Variants in TUBGCP3 observed in about 807,000 individuals in gnomAD.
TUBGCP3 encodes the protein tubulin gamma complex component 3.
Under a neutral mutation model 123.1 loss-of-function variants are expected in TUBGCP3, and 50 were observed. The ratio of observed to expected loss-of-function variants is 0.41; its 90% CI spans 0.32 to 0.51. The LOEUF is 0.51. Among genes scored for constraint, TUBGCP3 ranks in the 20% least tolerant of loss-of-function variants. The pLI is 0.36. For synonymous variants in TUBGCP3, 405 were observed against 413.9 expected (o/e 0.98, Z 0.26); for missense variants, 882 against 1,127.0 (o/e 0.78, Z 3.11).
intron 11 of TUBGCP3, among the ~76,000 whole-genome samples, chr13:112,531,343 A>G (rs1340506068): frequency 6.6e-6 from 1 of 152,202 alleles, no homozygotes; most frequent in African/African-American, 2.4e-5. Flanking sequence ...TGAGATCTAT[A>G]TTGCCCTTCA....
chr13:112,570,486 A>C (rs1402912251), intron 1 of TUBGCP3, among the ~76,000 whole-genome samples: 1 of 152,182 alleles, frequency 6.6e-6, no homozygotes, highest in East Asian at 1.9e-4. Flanking sequence ...GTGGAACAGC[A>C]TTATGTCTAA....
chr13:112,556,188 A>C lies in TUBGCP3; in HGVS notation c.585T>G (p.Leu195=). 6.2e-7 allele frequency: 1 copy of C among 1,614,162 alleles called. No homozygotes were observed. Among genetic ancestry groups the C allele is most frequent in the Non-Finnish European group, 8.5e-7 (1 of 1,180,012 alleles). Residue 195 remains leucine (L), a synonymous_variant, in exon 6 of 22, where the codon CTT becomes CTG. Coordinates refer to ENST00000261965, the MANE Select transcript of TUBGCP3 (RefSeq NM_006322.6). ...SNQAPGVGDC[L]RQQLGSRLAW... ...CGAGTCGTGACCCCAACTGCTGTCG[A>C]AGGCAATCTCCTACTCCTGGAGCTT...
At chr13:112,597,499 C>A in the TUBGCP3 span, among the ~76,000 whole-genome samples, 1 of 151,916 alleles carries the variant, frequency 6.6e-6, no homozygotes, top group South Asian at 2.1e-4. Flanking sequence ...TTTGGAAAAC[C>A]AAGAGAAACA....
At chr13:112,551,125 T>G (rs1879549601) in intron 8 of TUBGCP3, among the ~76,000 whole-genome samples, 1 of 151,598 alleles carries the variant, frequency 6.6e-6, no homozygotes. Context: ...AAACAAAACC[T>G]GCTGAAATAA....
intron 1 of TUBGCP3, among the ~76,000 whole-genome samples, chr13:112,578,757 T>C (rs1882056032): frequency 6.6e-6 from 1 of 151,974 alleles, no homozygotes; most frequent in Non-Finnish European, 1.5e-5. Flanking sequence ...CTTCACAGCC[T>C]CCATACTTAG....
chr13:112,558,246 G>A lies in TUBGCP3; in HGVS notation c.498C>T (p.Gly166=). ...GCGCGGGGCCACTGAGGGCACACAGGCCAATGCTGCTGATGCCACTGCTGC... is the reference window on the plus strand; with the variant it reads ...GCGCGGGGCCACTGAGGGCACACAGACCAATGCTGCTGATGCCACTGCTGC... ...SVGSSGISSI[G]LCALSGPAPA... is the part of the protein sequence containing the mutation. The change falls in exon 5 of 22, where the codon GGC becomes GGT. Residue 166 remains glycine, a synonymous_variant. Coordinates refer to ENST00000261965, the MANE Select transcript of TUBGCP3 (RefSeq NM_006322.6). 6.2e-7 allele frequency: 1 copy of A among 1,612,566 alleles called. No individual in the cohort carries two copies. Among genetic ancestry groups the A allele is most frequent in the East Asian group, 2.2e-5 (1 of 44,886 alleles).
chr13:112,562,588 G>C (rs1566580941), intron 3 of TUBGCP3, among the ~76,000 whole-genome samples: 1 of 152,146 alleles, frequency 6.6e-6, no homozygotes. Flanking sequence ...GAGAGGCCAG[G>C]AGTATAATCT....
chr13:112,591,102 G>C (rs1025776571), upstream of TUBGCP3, among the ~76,000 whole-genome samples: 4 of 152,206 alleles, frequency 2.6e-5, no homozygotes, highest in African/African-American at 9.7e-5. Flanking sequence ...TCAGCCAGGA[G>C]ACTTTGTAGG....
At chr13:112,547,431 A>T in intron 10 of TUBGCP3, 189 bp downstream of exon 10, 2 of 997,332 alleles carry the variant, frequency 2.0e-6, no homozygotes, top group Non-Finnish European at 2.6e-6. Flanking sequence ...AAGGACAAAA[A>T]CGGGCAGGAC....
At chr13:112,520,397 C>T (rs1181753511) in intron 14 of TUBGCP3, among the ~76,000 whole-genome samples, 4 of 151,974 alleles carry the variant, frequency 2.6e-5, no homozygotes, top group Admixed American at 6.6e-5. Flanking sequence ...AGCATGGTGG[C>T]GGGCACCTGT....
chr13:112,549,487 A>T (rs1879371517), intron 8 of TUBGCP3, among the ~76,000 whole-genome samples: 2 of 152,112 alleles, frequency 1.3e-5, no homozygotes, highest in South Asian at 2.1e-4. Flanking sequence ...GTATAATAAT[A>T]AAAAAATTAA....
rs1005068002 is a variant in TUBGCP3, at chr13:112,485,959, C to T, written c.*34G>A. The T allele has an allele frequency of 1.4e-6, 2 of 1,441,830 alleles. No homozygotes were observed. Among genetic ancestry groups the T allele is most frequent in the Non-Finnish European group, 1.9e-6 (2 of 1,069,190 alleles). 89.3% of individuals were successfully genotyped at this position (1,441,830 alleles called of 1,614,324 possible). A position where few individuals can be genotyped will look rare whatever the true frequency, so the allele number is the denominator to read the frequency against. ...ATTTCGTGTCTAGCAGTGCAACGAA[C>T]ATCACCCGCAGCTCCCTGGGAGGAC... On this transcript the variant is annotated 3_prime_UTR_variant, in exon 22 of 22. Coordinates refer to ENST00000261965, the MANE Select transcript of TUBGCP3 (RefSeq NM_006322.6).
chr13:112,562,940 C>G (rs1277609455), intron 3 of TUBGCP3, among the ~76,000 whole-genome samples: 1 of 152,230 alleles, frequency 6.6e-6, no homozygotes, highest in Non-Finnish European at 1.5e-5. Context: ...CCGTCATCAA[C>G]AGGGCACCAC....
intron 17 of TUBGCP3, among the ~76,000 whole-genome samples, chr13:112,515,332 G>C (rs1264540112): frequency 6.6e-6 from 1 of 152,182 alleles, no homozygotes; most frequent in African/African-American, 2.4e-5. Context: ...TCCACTACAA[G>C]AAAGATGCTG....
Position 112,588,149 on chromosome 13 carries a change from A to G in TUBGCP3, c.-169T>C. The G allele has an allele frequency of 2.0e-6, 1 of 492,300 alleles. No homozygotes were observed. The allele number at this position is 492,300 out of a possible 1,614,324, so 30.5% of individuals were successfully genotyped here. ...CGCCATTTTAACGGAACCCGCCGAA[A>G]GCGCGGGCGCTTCCCACAATGCCCC... On this transcript the variant is annotated 5_prime_UTR_variant, in exon 1 of 22. Coordinates refer to ENST00000261965, the MANE Select transcript of TUBGCP3 (RefSeq NM_006322.6).
chr13:112,565,207 G>A, intron 2 of TUBGCP3, 29 bp from the exon 3 acceptor site: 8 of 1,597,246 alleles, frequency 5.0e-6, no homozygotes, highest in Non-Finnish European at 6.8e-6. Context: ...AATAAGTGTG[G>A]TAACTACAAA....
At chr13:112,521,918 G>A (rs1183073884) in intron 14 of TUBGCP3, 1 of 868,966 alleles carries the variant, frequency 1.2e-6, no homozygotes. Context: ...AAAGGTCATA[G>A]TTTCATTTTT....
intron 11 of TUBGCP3, among the ~76,000 whole-genome samples, chr13:112,538,143 G>C (rs941480010): frequency 6.6e-6 from 1 of 152,124 alleles, no homozygotes; most frequent in African/African-American, 2.4e-5. Context: ...TGGTTATATA[G>C]GTTGAGTATC....
At chr13:112,593,389 G>C in the TUBGCP3 span, among the ~76,000 whole-genome samples, 1 of 152,154 alleles carries the variant, frequency 6.6e-6, no homozygotes, top group East Asian at 1.9e-4. Context: ...CTGCTCTCCA[G>C]CCTGGGGGAC....
Sources: allele counts gnomAD v4.1 joint callset (sites outside exome capture counted in the v4.1 genomes callset), GRCh38; gene constraint gnomAD v4.1.1; transcripts MANE v1.5; gene names NCBI Gene and HGNC (gene_info 2026-07-23, HGNC 2026-07-21).